Variants in BSDC1 observed in about 807,000 individuals in gnomAD.
BSDC1 encodes BSD domain containing 1.
Under a neutral mutation model 56.0 loss-of-function variants are expected in BSDC1, and 29 were observed. The ratio of observed to expected loss-of-function variants is 0.52; its 90% CI spans 0.39 to 0.71. The LOEUF (loss-of-function observed/expected upper bound fraction) is 0.71. Among genes scored for constraint, BSDC1 ranks in the 30% least tolerant of loss-of-function variants. The probability of loss-of-function intolerance (pLI) is 0.00; values close to 1 mark genes in which losing one functional copy is unlikely to be tolerated. For synonymous variants in BSDC1, 210 were observed against 215.3 expected (o/e 0.98, Z 0.21); for missense variants, 477 against 548.5 (o/e 0.87, Z 1.30).
rs138886922 is a variant in BSDC1 at position 32,390,960 on chromosome 1, C to T, written c.72+3120G>A. Among the ~76,000 whole-genome samples the T allele has an allele frequency of 5.0e-3, 759 of 151,954 alleles. 2 individuals carry two copies. Among genetic ancestry groups the T allele is most frequent in the Non-Finnish European group, 8.3e-3 (563 of 68,000 alleles). ...AAGTTCAGGCAAAAGGTCTAAGAGT[C>T]GCCCTAACAGGAAAGTGGAGAAGGT... On this transcript the variant is annotated intron_variant, in intron 2 of 10. Transcript: ENST00000455895.
In BSDC1 at chr1:32,387,000, C is replaced by A. The variant is rs547969793; in HGVS notation, c.73-105G>T. On this transcript the variant is annotated intron_variant, in intron 2 of 10. Coordinates refer to ENST00000455895, the MANE Select transcript of BSDC1 (RefSeq NM_018045.8). ...CAGACAGACAAATGGAAATCTCCAG[C>A]GGCAGGGGAGCTTCGGCTCAGAAAC... 3.4e-5 allele frequency: 29 copies of A among 848,590 alleles called. No homozygotes were observed. In the East Asian group the frequency reaches 6.5e-4, roughly 19 times the overall value. 52.6% of individuals were successfully genotyped at this position (848,590 alleles called of 1,614,324 possible).
chr1:32,373,232 T>A (rs916048765), intron 9 of BSDC1, among the ~76,000 whole-genome samples: 1 of 152,186 alleles, frequency 6.6e-6, no homozygotes, highest in African/African-American at 2.4e-5. Flanking sequence ...CTACGGTTGT[T>A]TCTTGTGAGT....
At chr1:32,381,074 TA>T in intron 5 of BSDC1, 139 bp downstream of exon 5, 1 of 734,506 alleles carries the variant, frequency 1.4e-6, no homozygotes, top group Non-Finnish European at 2.3e-6. Flanking sequence ...CCACAAAGTA[TA>T]AGGTACACAC....
chr1:32,373,467 C>T (rs1455862062), intron 9 of BSDC1, among the ~76,000 whole-genome samples: 1 of 152,160 alleles, frequency 6.6e-6, no homozygotes, highest in Non-Finnish European at 1.5e-5. Flanking sequence ...CTCTCCCGTA[C>T]TCAGCTCAGA....
intron 9 of BSDC1, 131 bp downstream of exon 9, chr1:32,376,131 C>T: frequency 1.1e-6 from 1 of 941,534 alleles, no homozygotes; most frequent in Non-Finnish European, 1.5e-6. Context: ...CAATATATAG[C>T]AGCTGTCATC....
chr1:32,368,502 T>C lies in BSDC1; in HGVS notation c.1205A>G (p.Asp402Gly), dbSNP rs1440794449. The change falls in exon 10 of 11, where the codon GAC becomes GGC. Residue 402 changes from aspartate to glycine, a missense_variant. By Grantham distance (94) the Asp-to-Gly change is moderately conservative. Coordinates refer to ENST00000455895, the MANE Select transcript of BSDC1 (RefSeq NM_018045.8). ...SEDWEKDFDLDMTEEEVQMAL... is the reference protein window; with the variant it reads ...SEDWEKDFDLGMTEEEVQMAL... ...CATCTGCACCTCCTCTTCAGTCATG[T>C]CCAAGTCAAAGTCTTTCTCCCAGTC... 2.5e-6 allele frequency: 4 copies of C among 1,614,026 alleles called. No individual in the cohort carries two copies. The highest frequency in any genetic ancestry group is 3.4e-6 in the Non-Finnish European group (4 of 1,180,026).
Position 32,377,967 on chromosome 1 carries a change from T to C in BSDC1, c.676+3A>G, listed in dbSNP as rs761617631. The C allele has an allele frequency of 6.2e-6, 10 of 1,611,558 alleles. No individual in the cohort carries two copies. The highest frequency in any genetic ancestry group is 1.7e-5 in the Admixed American group (1 of 59,788). Reference sequence around the variant, plus strand: ...TTGCCCCTCACCTCTCAACGCCTCTTACCTTCCTCCTCCTCCCAGCCGGGC... The same window carrying C: ...TTGCCCCTCACCTCTCAACGCCTCTCACCTTCCTCCTCCTCCCAGCCGGGC... On this transcript the variant is annotated splice_donor_region_variant and intron_variant, in intron 8 of 10. Coordinates refer to ENST00000455895, the MANE Select transcript of BSDC1 (RefSeq NM_018045.8).
At chr1:32,382,716 C>A (rs1642525775) in intron 4 of BSDC1, among the ~76,000 whole-genome samples, 2 of 144,710 alleles carry the variant, frequency 1.4e-5, no homozygotes, top group South Asian at 4.3e-4. Context: ...AAAAAAAAGG[C>A]CAGGTGTGGT....
intron 3 of BSDC1, 113 bp downstream of exon 3, chr1:32,386,666 C>A: frequency 1.6e-6 from 1 of 622,900 alleles, no homozygotes; most frequent in Non-Finnish European, 2.6e-6. Flanking sequence ...AAAAGTAATC[C>A]ACATATTTTT....
chr1:32,388,957 C>CTT (rs756507594), intron 2 of BSDC1, among the ~76,000 whole-genome samples: 25 of 141,252 alleles, frequency 1.8e-4, no homozygotes, highest in African/African-American at 4.2e-4. Flanking sequence ...TCTTTTTTTT[C>CTT]TTTTTTTTTT....
chr1:32,370,385 G>A (rs951090032), intron 9 of BSDC1, among the ~76,000 whole-genome samples: 1 of 152,136 alleles, frequency 6.6e-6, no homozygotes, highest in Admixed American at 6.5e-5. Flanking sequence ...TAAGCCCTGT[G>A]AGTGCCAGGA....
chr1:32,367,364 C>G (rs1274120850), intron 10 of BSDC1: 44 of 985,332 alleles, frequency 4.5e-5, no homozygotes, highest in Non-Finnish European at 4.7e-5. Context: ...TGTGGCCTGA[C>G]AGGGCACTAT....
chr1:32,367,694 G>A, intron 10 of BSDC1: 1 of 984,972 alleles, frequency 1.0e-6, no homozygotes, highest in Non-Finnish European at 1.2e-6. Flanking sequence ...GATTCTGAGA[G>A]GTAGTGAAGA....
At chr1:32,369,375 TAC>T in intron 9 of BSDC1, 2 of 1,103,614 alleles carry the variant, frequency 1.8e-6, no homozygotes, top group Non-Finnish European at 2.4e-6. Flanking sequence ...GGCATGGTAG[TAC>T]ACACCTAAGG....
chr1:32,372,299 T>C (rs769770572), intron 9 of BSDC1, among the ~76,000 whole-genome samples: 2 of 152,242 alleles, frequency 1.3e-5, no homozygotes, highest in East Asian at 3.8e-4. Flanking sequence ...TTCATCTGGC[T>C]GTCACCACAG....
In BSDC1 at chr1:32,370,948, TGG is replaced by T. The variant is rs1255096407; in HGVS notation, c.1157-2400_1157-2399del. On this transcript the variant is annotated intron_variant, in intron 9 of 10. Transcript: ENST00000455895. Reference sequence around the variant, plus strand: ...CAAAAAGCCTAAAATATTTATGGTCTGGTCCTATACAGAAAAAGCTTACCACC... The same window carrying T: ...CAAAAAGCCTAAAATATTTATGGTCTTCCTATACAGAAAAAGCTTACCACC... Among the ~76,000 whole-genome samples the T allele has an allele frequency of 1.4e-4, 22 of 152,224 alleles. 1 individual carries two copies. In the South Asian group the frequency reaches 4.6e-3, roughly 32 times the overall value.
rs1641805326 is a variant in BSDC1, at chr1:32,365,289, T to C, written c.*1333A>G. 6.6e-6 allele frequency: 1 copy of C among 152,474 alleles called. No homozygotes were observed. The highest frequency in any genetic ancestry group is 1.5e-5 in the Non-Finnish European group (1 of 68,032). The allele number at this position is 152,474 out of a possible 1,614,324, so 9.4% of individuals were successfully genotyped here. On this transcript the variant is annotated 3_prime_UTR_variant, in exon 11 of 11. Coordinates refer to ENST00000455895, the MANE Select transcript of BSDC1 (RefSeq NM_018045.8). ...GGGAGATGCATTATAATTTAAAATA[T>C]ATAATATTGCACAAACAACCAAAAG...
rs1449994227 is a variant in BSDC1, at chr1:32,366,540, TC to T, written c.*81del. 1 of 1,304,420 alleles carries T rather than the reference TC, an allele frequency of 7.7e-7. No homozygotes were observed. Among genetic ancestry groups the T allele is most frequent in the Non-Finnish European group, 1.1e-6 (1 of 921,484 alleles). 80.8% of individuals were successfully genotyped at this position (1,304,420 alleles called of 1,614,324 possible). A position where few individuals can be genotyped will look rare whatever the true frequency, so the allele number is the denominator to read the frequency against. On this transcript the variant is annotated 3_prime_UTR_variant, in exon 11 of 11. Coordinates refer to ENST00000455895, the MANE Select transcript of BSDC1 (RefSeq NM_018045.8). ...TGGCAGAGGAGATTTGGGGGAACAT[TC>T]TCAGTCTTCCAGGGCTGGGCTGAGA...
At position 32,371,303 on chromosome 1, in the gene BSDC1, CTT is replaced by C. The variant is rs963070889; in HGVS notation, c.1157-2755_1157-2754del. Among the ~76,000 whole-genome samples the C allele has an allele frequency of 1.5e-3, 178 of 117,814 alleles. 1 individual carries two copies. Among genetic ancestry groups the C allele is most frequent in the African/African-American group, 5.3e-3 (156 of 29,490 alleles). 77.3% of individuals were successfully genotyped at this position (117,814 alleles called of 152,430 possible). On this transcript the variant is annotated intron_variant, in intron 9 of 10. Coordinates refer to ENST00000455895, the MANE Select transcript of BSDC1 (RefSeq NM_018045.8). Reference sequence around the variant, plus strand: ...AAATGAACACATACGACTTTGTAATCTTTTTTTTTTTTTTTTTTTTTTTATTT... The same window carrying C: ...AAATGAACACATACGACTTTGTAATCTTTTTTTTTTTTTTTTTTTTTATTT...
Sources: gnomAD v4.1 joint callset for allele counts (sites outside exome capture counted in the v4.1 genomes callset) on GRCh38, gnomAD v4.1.1 for gene constraint, MANE v1.5 for transcripts, NCBI Gene and HGNC (gene_info 2026-07-23, HGNC 2026-07-21) for gene names.